CINP: variants seen among roughly 807,000 people sequenced by gnomAD.
CINP encodes cyclin-dependent kinase 2-interacting protein.
Under a neutral mutation model 20.5 loss-of-function variants are expected in CINP, and 11 were observed. That is an observed-to-expected ratio of 0.54 (90% CI 0.34 to 0.89). CINP has a LOEUF of 0.89. Among genes scored for constraint, CINP ranks in the 40% least tolerant of loss-of-function variants. The pLI is 0.02. For missense variants in CINP, 213 were observed against 251.0 expected (o/e 0.85, Z 1.02); for synonymous variants, 108 against 102.1 (o/e 1.06, Z -0.35).
At chr14:102,361,635 C>T (rs924317087) in intron 1 of CINP, among the ~76,000 whole-genome samples, 1 of 151,642 alleles carries the variant, frequency 6.6e-6, no homozygotes, top group Non-Finnish European at 1.5e-5. Context: ...AGCGAGACTC[C>T]GTCTCAAAAA....
intron 3 of CINP, among the ~76,000 whole-genome samples, chr14:102,352,129 G>A (rs1016354206): frequency 6.6e-5 from 10 of 151,976 alleles, no homozygotes; most frequent in Non-Finnish European, 1.3e-4. Flanking sequence ...CTTGTGATCC[G>A]CCCACCTCAG....
At chr14:102,360,678 C>A (rs140885759) in intron 1 of CINP, among the ~76,000 whole-genome samples, 38 of 152,296 alleles carry the variant, frequency 2.5e-4, no homozygotes, top group African/African-American at 8.9e-4. Flanking sequence ...AGCTGTGAGG[C>A]CTCGCACAAG....
Sources: gnomAD v4.1 joint callset for allele counts (sites outside exome capture counted in the v4.1 genomes callset) on GRCh38, gnomAD v4.1.1 for gene constraint, MANE v1.5 for transcripts, NCBI Gene and HGNC (gene_info 2026-07-23, HGNC 2026-07-21) for gene names.